Variants in NEGR1 observed in about 807,000 individuals in gnomAD.
NEGR1 encodes the protein IgLON family member 4.
In NEGR1, 10 loss-of-function variants were observed where a neutral mutation model predicts 40.9. The ratio of observed to expected loss-of-function variants is 0.24; its 90% CI spans 0.15 to 0.42. The LOEUF is 0.42. Ranked by LOEUF, NEGR1 falls within the 10% of genes least tolerant of loss-of-function variation. The probability of loss-of-function intolerance (pLI) is 1.00; values close to 1 mark genes in which losing one functional copy is unlikely to be tolerated. For synonymous variants in NEGR1, 185 were observed against 166.8 expected, an observed-to-expected ratio of 1.11 and a Z score of -0.84; for missense variants, 352 against 438.9, an observed-to-expected ratio of 0.80 and a Z score of 1.77.
At chr1:71,508,772 G>T (rs1029743835) in intron 6 of NEGR1, among the ~76,000 whole-genome samples, 1 of 152,186 alleles carries the variant, frequency 6.6e-6, no homozygotes, top group East Asian at 1.9e-4. Context: ...GACCCTTAAA[G>T]ATTAAACTGC....
chr1:71,886,783 A>C (rs543897311), intron 2 of NEGR1, among the ~76,000 whole-genome samples: 1 of 152,268 alleles, frequency 6.6e-6, no homozygotes, highest in Admixed American at 6.5e-5. Flanking sequence ...GGTTTTCTGC[A>C]ATAGGGAAGA....
chr1:72,040,577 C>CAAAAAAAAAAAAAA (rs5775102), intron 1 of NEGR1, among the ~76,000 whole-genome samples: 3 of 29,704 alleles, frequency 1.0e-4, no homozygotes, highest in African/African-American at 1.2e-4. Context: ...GAGCACTGAC[C>CAAAAAAAAAAAAAA]AAAAAAAAAA....
At chr1:72,241,972 C>T (rs1218090934) in intron 1 of NEGR1, among the ~76,000 whole-genome samples, 1 of 151,488 alleles carries the variant, frequency 6.6e-6, no homozygotes, top group Non-Finnish European at 1.5e-5. Flanking sequence ...GTTTACCATA[C>T]CCTACAGTTT....
intron 1 of NEGR1, among the ~76,000 whole-genome samples, chr1:72,250,929 C>T (rs1655066031): frequency 6.6e-6 from 1 of 152,198 alleles, no homozygotes; most frequent in African/African-American, 2.4e-5. Context: ...TCAAGATGAT[C>T]TGCTCTATGT....
intron 2 of NEGR1, among the ~76,000 whole-genome samples, chr1:71,894,212 T>TA (rs1353134866): frequency 1.5e-5 from 2 of 137,400 alleles, no homozygotes; most frequent in Non-Finnish European, 3.1e-5. Flanking sequence ...CCCTAAAACT[T>TA]AAAGTATAAT....
At chr1:71,600,973 C>G (rs375017499) in intron 5 of NEGR1, among the ~76,000 whole-genome samples, 11 of 152,304 alleles carry the variant, frequency 7.2e-5, no homozygotes, top group African/African-American at 2.4e-4. Context: ...GTGTTCCAGC[C>G]TCAGCCAGTG....
chr1:72,081,798 C>T (rs1357995684), intron 1 of NEGR1, among the ~76,000 whole-genome samples: 1 of 152,068 alleles, frequency 6.6e-6, no homozygotes, highest in African/African-American at 2.4e-5. Context: ...TATCCTACTG[C>T]CTTCTCCCAT....
At chr1:71,857,498 C>T (rs943825025) in intron 2 of NEGR1, among the ~76,000 whole-genome samples, 1 of 144,670 alleles carries the variant, frequency 6.9e-6, no homozygotes, top group Non-Finnish European at 1.5e-5. Context: ...CTTGGTGGCA[C>T]ACACCTATAG....
chr1:72,107,935 C>T (rs1649201584), intron 1 of NEGR1, among the ~76,000 whole-genome samples: 1 of 151,286 alleles, frequency 6.6e-6, no homozygotes, highest in Admixed American at 6.6e-5. Flanking sequence ...TTGGCTAAGC[C>T]TTTATTCTAT....
intron 2 of NEGR1, among the ~76,000 whole-genome samples, chr1:71,847,695 C>G (rs1160351243): frequency 1.3e-5 from 2 of 152,106 alleles, no homozygotes; most frequent in Non-Finnish European, 2.9e-5. Flanking sequence ...CCTTCAGAGA[C>G]AAAAATATTG....
chr1:71,522,695 A>C (rs2101432190), intron 6 of NEGR1, among the ~76,000 whole-genome samples: 1 of 150,364 alleles, frequency 6.7e-6, no homozygotes, highest in Admixed American at 6.7e-5. Context: ...TGGGTAGATA[A>C]AATGCTGCTA....
chr1:71,690,474 C>T (rs1029989924), intron 4 of NEGR1, among the ~76,000 whole-genome samples: 3 of 150,968 alleles, frequency 2.0e-5, no homozygotes, highest in Non-Finnish European at 4.4e-5. Flanking sequence ...AGGCACCCTG[C>T]GATGATTTTC....
intron 1 of NEGR1, among the ~76,000 whole-genome samples, chr1:72,146,977 T>C (rs1650934162): frequency 6.6e-6 from 1 of 152,188 alleles, no homozygotes; most frequent in Admixed American, 6.5e-5. Flanking sequence ...TATATTCTCT[T>C]CATTGACCTA....
chr1:72,262,247 T>G (rs1318469255), intron 1 of NEGR1, among the ~76,000 whole-genome samples: 1 of 152,100 alleles, frequency 6.6e-6, no homozygotes, highest in South Asian at 2.1e-4. Flanking sequence ...TGGAATAATA[T>G]ATGTAGAAAT....
intron 6 of NEGR1, among the ~76,000 whole-genome samples, chr1:71,449,194 T>G (rs1367101704): frequency 6.6e-6 from 1 of 152,206 alleles, no homozygotes; most frequent in African/African-American, 2.4e-5. Context: ...AAGAGAGGTA[T>G]AAGAGTTAGT....
intron 1 of NEGR1, among the ~76,000 whole-genome samples, chr1:71,954,922 T>C (rs888819473): frequency 1.3e-5 from 2 of 152,100 alleles, no homozygotes; most frequent in African/African-American, 4.8e-5. Context: ...AACCTAGATA[T>C]TAATAAAATA....
At chr1:71,767,324 G>C (rs1656167570) in intron 3 of NEGR1, among the ~76,000 whole-genome samples, 1 of 152,102 alleles carries the variant, frequency 6.6e-6, no homozygotes, top group Admixed American at 6.5e-5. Flanking sequence ...AATGTATTGG[G>C]AACTAGAGTA....
intron 3 of NEGR1, among the ~76,000 whole-genome samples, chr1:71,728,126 G>A (rs138218210): frequency 6.6e-6 from 1 of 152,114 alleles, no homozygotes; most frequent in South Asian, 2.1e-4. Flanking sequence ...AATGTGAGCA[G>A]GCAGACCAGA....
chr1:71,738,158 C>T (rs989993022), intron 3 of NEGR1: 1 of 158,472 alleles, frequency 6.3e-6, no homozygotes, highest in African/African-American at 2.4e-5. Context: ...GGACCTCAGT[C>T]TCTATTTTCA....
Sources: allele counts gnomAD v4.1 joint callset (sites outside exome capture counted in the v4.1 genomes callset), GRCh38; gene constraint gnomAD v4.1.1; transcripts MANE v1.5; gene names NCBI Gene and HGNC (gene_info 2026-07-23, HGNC 2026-07-21).